The following SLC8A1 variants were observed in gnomAD, a reference collection of about 807,000 sequenced individuals.
SLC8A1 encodes sodium/calcium exchanger 1.
Under a neutral mutation model 68.3 loss-of-function variants are expected in SLC8A1, and 18 were observed. The ratio of observed to expected loss-of-function variants is 0.26; its 90% confidence interval spans 0.18 to 0.39. SLC8A1 has a LOEUF of 0.39. Among genes scored for constraint, SLC8A1 ranks in the 10% least tolerant of loss-of-function variants. SLC8A1 has a pLI of 1.00. For synonymous variants in SLC8A1, 475 were observed against 415.5 expected, an observed-to-expected ratio of 1.14 and a Z score of -1.74; for missense variants, 985 against 1,156.7, an observed-to-expected ratio of 0.85 and a Z score of 2.15.
chr2:40,315,517 T>G (rs2074326929), intron 2 of SLC8A1, among the ~76,000 whole-genome samples: 1 of 150,922 alleles, frequency 6.6e-6, no homozygotes, highest in African/African-American at 2.4e-5. Context: ...TACATCCAAC[T>G]GGGTTAGTAT....
intron 2 of SLC8A1, among the ~76,000 whole-genome samples, chr2:40,427,789 A>G (rs902187405): frequency 6.6e-6 from 1 of 152,162 alleles, no homozygotes; most frequent in Admixed American, 6.6e-5. Flanking sequence ...CCATCACTGT[A>G]TCAGTGGGGT....
intron 2 of SLC8A1, among the ~76,000 whole-genome samples, chr2:40,351,631 AACCAAGACAG>A (rs938839897): frequency 1.3e-5 from 2 of 152,120 alleles, no homozygotes; most frequent in Non-Finnish European, 2.9e-5. Flanking sequence ...TTCAGTTTCC[AACCAAGACAG>A]ACCAAGAACT....
At chr2:40,106,563 G>T (rs1453779417) in exon 8 of SLC8A1, 1 of 152,012 alleles carries the variant, frequency 6.6e-6, no homozygotes, top group Non-Finnish European at 1.5e-5. Flanking sequence ...ATTTATCATA[G>T]ACTTATCTGT....
chr2:40,366,551 A>G (rs1400286412), intron 2 of SLC8A1, among the ~76,000 whole-genome samples: 1 of 152,092 alleles, frequency 6.6e-6, no homozygotes, highest in Non-Finnish European at 1.5e-5. Context: ...CCTCACAAAT[A>G]GGCTGTTCTG....
chr2:40,308,081 A>G (rs187636219), intron 2 of SLC8A1, among the ~76,000 whole-genome samples: 14 of 152,332 alleles, frequency 9.2e-5, no homozygotes, highest in Admixed American at 6.5e-4. Flanking sequence ...TTTGTTTCTC[A>G]AGCCTAAGAA....
At chr2:40,388,075 T>C (rs12465274) in intron 2 of SLC8A1, among the ~76,000 whole-genome samples, 34,294 of 151,976 alleles carry the variant, frequency 0.23, 4,520 homozygotes, top group African/African-American at 0.37. Flanking sequence ...ATATAATCCC[T>C]TTTCAAAGCA....
chr2:40,342,265 A>T (rs944146618), intron 2 of SLC8A1, among the ~76,000 whole-genome samples: 2 of 152,178 alleles, frequency 1.3e-5, no homozygotes, highest in African/African-American at 4.8e-5. Flanking sequence ...TGGCCTATAT[A>T]TACTTAGCTC....
chr2:40,385,024 T>C (rs1683110545), intron 2 of SLC8A1, among the ~76,000 whole-genome samples: 1 of 152,070 alleles, frequency 6.6e-6, no homozygotes, highest in Admixed American at 6.6e-5. Flanking sequence ...AGTACTTTCT[T>C]ATAAAATACA....
rs948779947 is a variant in SLC8A1, at chr2:40,430,356, G to A, written c.-24-52C>T. On this transcript the variant is annotated intron_variant, in intron 1 of 7. Transcript: ENST00000406785. ...GCAGAAAAAAAGTCATGTCATTAGA[G>A]CTGCAGCCAAAGCATTACTAATTAC... The A allele has an allele frequency of 9.6e-5, 143 of 1,490,412 alleles. 1 individual carries two copies. Among genetic ancestry groups the A allele is most frequent in the Non-Finnish European group, 1.2e-4 (137 of 1,115,384 alleles). The allele number at this position is 1,490,412 out of a possible 1,614,324, so 92.3% of individuals were successfully genotyped here. A position where few individuals can be genotyped will look rare whatever the true frequency, so the allele number is the denominator to read the frequency against.
At chr2:40,112,309 TAAGG>T in exon 8 of SLC8A1, 1 of 149,600 alleles carries the variant, frequency 6.7e-6, no homozygotes, top group East Asian at 2.0e-4. Flanking sequence ...GTACCATTTA[TAAGG>T]AAGAGCACAA....
chr2:40,290,127 C>T (rs2069032116), intron 2 of SLC8A1, among the ~76,000 whole-genome samples: 1 of 151,944 alleles, frequency 6.6e-6, no homozygotes, highest in African/African-American at 2.4e-5. Context: ...GTTGGACTGC[C>T]ACCTAAACTG....
chr2:40,127,279 G>T (rs1240330587), intron 7 of SLC8A1, among the ~76,000 whole-genome samples: 1 of 152,170 alleles, frequency 6.6e-6, no homozygotes. Flanking sequence ...ATAGCAGAAA[G>T]TTATTGTCAG....
At chr2:40,181,790 T>C (rs2049613314) in intron 2 of SLC8A1, among the ~76,000 whole-genome samples, 1 of 152,138 alleles carries the variant, frequency 6.6e-6, no homozygotes, top group Non-Finnish European at 1.5e-5. Context: ...GTAGCTGAGG[T>C]GAAATAAACC....
At chr2:40,342,987 C>A (rs1211376631) in intron 2 of SLC8A1, among the ~76,000 whole-genome samples, 1 of 152,046 alleles carries the variant, frequency 6.6e-6, no homozygotes, top group South Asian at 2.1e-4. Flanking sequence ...CAGTCATAAT[C>A]TGAAATTGTT....
At chr2:40,426,078 T>C (rs954884506) in intron 2 of SLC8A1, among the ~76,000 whole-genome samples, 4 of 151,984 alleles carry the variant, frequency 2.6e-5, no homozygotes, top group African/African-American at 9.7e-5. Context: ...AACAGACCTA[T>C]TTAGCATCTA....
intron 2 of SLC8A1, among the ~76,000 whole-genome samples, chr2:40,239,745 G>T (rs1004678053): frequency 6.6e-6 from 1 of 152,168 alleles, no homozygotes; most frequent in African/African-American, 2.4e-5. Flanking sequence ...ATCAAATTCT[G>T]AATGTGAATA....
intron 1 of SLC8A1, among the ~76,000 whole-genome samples, chr2:40,480,479 G>A (rs1436661062): frequency 6.6e-6 from 1 of 152,142 alleles, no homozygotes; most frequent in Admixed American, 6.6e-5. Context: ...CATCAGATAC[G>A]GAGTTTGCTG....
intron 6 of SLC8A1, among the ~76,000 whole-genome samples, chr2:40,156,563 C>T (rs1322545537): frequency 6.6e-6 from 1 of 151,914 alleles, no homozygotes; most frequent in Non-Finnish European, 1.5e-5. Flanking sequence ...CAGGATAAGC[C>T]TATGGGTGCA....
intron 1 of SLC8A1, among the ~76,000 whole-genome samples, chr2:40,477,449 C>T (rs116576142): frequency 7.2e-4 from 109 of 152,272 alleles, no homozygotes; most frequent in African/African-American, 2.6e-3. Flanking sequence ...TTGTCCTACA[C>T]GGTTGAAAAG....
Sources: gnomAD v4.1 joint callset for allele counts (sites outside exome capture counted in the v4.1 genomes callset) on GRCh38, gnomAD v4.1.1 for gene constraint, MANE v1.5 for transcripts, NCBI Gene and HGNC (gene_info 2026-07-23, HGNC 2026-07-21) for gene names.